ROBO2: variants seen among roughly 807,000 people sequenced by gnomAD.
ROBO2 encodes the protein roundabout homolog 2.
Under a neutral mutation model 160.8 loss-of-function variants are expected in ROBO2, and 53 were observed. The observed-to-expected ratio is 0.33, with a 90% confidence interval of 0.26 to 0.41. The LOEUF (loss-of-function observed/expected upper bound fraction) is 0.41, where lower values mean the gene tolerates loss of function less well. Ranked by LOEUF, ROBO2 falls within the 10% of genes least tolerant of loss-of-function variation. The pLI, the probability that ROBO2 is intolerant of heterozygous loss-of-function variation, is 1.00. For missense variants in ROBO2, 1,577 were observed against 1,722.4 expected, an observed-to-expected ratio of 0.92 and a Z score of 1.49; for synonymous variants, 664 against 611.7, an observed-to-expected ratio of 1.09 and a Z score of -1.26.
chr3:77,489,078 T>A (rs2085739219), intron 4 of ROBO2, among the ~76,000 whole-genome samples: 1 of 152,222 alleles, frequency 6.6e-6, no homozygotes, highest in African/African-American at 2.4e-5. Flanking sequence ...GAAAGGGTGC[T>A]ATGGAAATTC....
chr3:76,860,547 G>T (rs2070655217), intron 2 of ROBO2, among the ~76,000 whole-genome samples: 1 of 151,884 alleles, frequency 6.6e-6, no homozygotes, highest in Non-Finnish European at 1.5e-5. Flanking sequence ...TTGTTTTCAG[G>T]TTTTCTTTTT....
intron 2 of ROBO2, among the ~76,000 whole-genome samples, chr3:77,441,051 C>T (rs2079870352): frequency 6.6e-6 from 1 of 152,018 alleles, no homozygotes; most frequent in Non-Finnish European, 1.5e-5. Context: ...AAGACAATGT[C>T]CAAGGGAAGA....
chr3:76,538,216 A>G (rs1322772196), intron 2 of ROBO2, among the ~76,000 whole-genome samples: 1 of 152,030 alleles, frequency 6.6e-6, no homozygotes, highest in Non-Finnish European at 1.5e-5. Flanking sequence ...AAGTGTATGT[A>G]TGCAGAAAAT....
At chr3:77,351,790 A>G (rs1560597660) in intron 2 of ROBO2, among the ~76,000 whole-genome samples, 1 of 152,056 alleles carries the variant, frequency 6.6e-6, no homozygotes, top group Non-Finnish European at 1.5e-5. Flanking sequence ...GAGCACAACA[A>G]TATAATCTGG....
At chr3:77,437,886 A>G (rs2079466745) in intron 2 of ROBO2, among the ~76,000 whole-genome samples, 1 of 152,076 alleles carries the variant, frequency 6.6e-6, no homozygotes, top group South Asian at 2.1e-4. Context: ...AAGAACTTAT[A>G]TCAGTCGGTA....
intron 2 of ROBO2, among the ~76,000 whole-genome samples, chr3:76,521,153 A>G (rs955962847): frequency 4.4e-4 from 67 of 150,690 alleles, no homozygotes; most frequent in Non-Finnish European, 8.8e-4. Context: ...GGTTCAAGCA[A>G]TTCTCCCACC....
chr3:76,493,490 T>G (rs2079965626), intron 2 of ROBO2, among the ~76,000 whole-genome samples: 1 of 151,774 alleles, frequency 6.6e-6, no homozygotes, highest in African/African-American at 2.4e-5. Context: ...ATTTTAGTCT[T>G]GTTTGTCCAT....
intron 2 of ROBO2, among the ~76,000 whole-genome samples, chr3:77,406,524 T>C (rs1219045312): frequency 6.6e-6 from 1 of 152,182 alleles, no homozygotes; most frequent in Non-Finnish European, 1.5e-5. Context: ...CATGGCCTTA[T>C]TAATACTGTA....
intron 4 of ROBO2, among the ~76,000 whole-genome samples, chr3:77,489,587 A>G (rs1403619564): frequency 2.0e-5 from 3 of 152,200 alleles, no homozygotes; most frequent in Non-Finnish European, 4.4e-5. Context: ...AGGAAGGGAC[A>G]GCTTAGTTTT....
At chr3:76,900,149 G>A (rs993713121) in intron 2 of ROBO2, among the ~76,000 whole-genome samples, 1 of 152,224 alleles carries the variant, frequency 6.6e-6, no homozygotes, top group Admixed American at 6.5e-5. Flanking sequence ...CAGATTTCAT[G>A]AGCCTCATTC....
chr3:76,109,724 A>G (rs548099014), intron 2 of ROBO2, among the ~76,000 whole-genome samples: 1 of 151,918 alleles, frequency 6.6e-6, no homozygotes, highest in Non-Finnish European at 1.5e-5. Context: ...ACATGGCTAT[A>G]TTGCGAAGTG....
rs527889068 is a variant in ROBO2 at position 77,210,216 on chromosome 3, C to T, written c.388+111876C>T. On this transcript the variant is annotated intron_variant, in intron 2 of 25. Transcript: ENST00000461745. The stretch of plus-strand genomic sequence containing the variant: ...ACATTTGTACAAATATCTCAATTTT[C>T]CTCCTTCATTGCAGAAAATGGCCTA... 3.3e-4 allele frequency among the ~76,000 whole-genome samples: 50 copies of T among 151,790 alleles called. 1 individual carries two copies. The highest frequency in any genetic ancestry group is 1.1e-3 in the African/African-American group (46 of 41,400).
intron 2 of ROBO2, among the ~76,000 whole-genome samples, chr3:77,173,750 T>C (rs1329831504): frequency 1.3e-5 from 2 of 152,130 alleles, no homozygotes; most frequent in African/African-American, 4.8e-5. Context: ...AATCAGTTAG[T>C]GCATATCTTG....
chr3:76,963,857 AAG>A (rs2079858999), intron 2 of ROBO2, among the ~76,000 whole-genome samples: 1 of 151,322 alleles, frequency 6.6e-6, no homozygotes, highest in African/African-American at 2.4e-5. Context: ...AAAGAAAAAA[AAG>A]AAAAAAGAAA....
intron 2 of ROBO2, among the ~76,000 whole-genome samples, chr3:76,396,669 T>A (rs1347364449): frequency 1.3e-5 from 2 of 152,180 alleles, no homozygotes; most frequent in Non-Finnish European, 2.9e-5. Flanking sequence ...AGCATTCTTA[T>A]GCACCAATAA....
intron 7 of ROBO2, among the ~76,000 whole-genome samples, chr3:77,549,206 T>C (rs1225225068): frequency 6.6e-6 from 1 of 151,918 alleles, no homozygotes; most frequent in East Asian, 1.9e-4. Context: ...ACGAATCATT[T>C]AGAAGGTGGA....
intron 2 of ROBO2, among the ~76,000 whole-genome samples, chr3:76,907,966 A>G (rs1391769603): frequency 6.6e-6 from 1 of 152,102 alleles, no homozygotes; most frequent in East Asian, 1.9e-4. Context: ...CAGCCTCCAG[A>G]GTAGCTGGGA....
intron 2 of ROBO2, among the ~76,000 whole-genome samples, chr3:77,357,534 C>T (rs1050130475): frequency 2.0e-5 from 3 of 152,150 alleles, no homozygotes; most frequent in African/African-American, 4.8e-5. Context: ...TACCCAGTCT[C>T]AGGTATTCTA....
At chr3:77,211,764 A>G (rs1279656746) in intron 2 of ROBO2, among the ~76,000 whole-genome samples, 1 of 152,210 alleles carries the variant, frequency 6.6e-6, no homozygotes, top group Non-Finnish European at 1.5e-5. Context: ...AAGTGTAAGG[A>G]AGGGATCCAG....
Sources: gnomAD v4.1 joint callset for allele counts (sites outside exome capture counted in the v4.1 genomes callset) on GRCh38, gnomAD v4.1.1 for gene constraint, MANE v1.5 for transcripts, NCBI Gene and HGNC (gene_info 2026-07-23, HGNC 2026-07-21) for gene names.